Variants in DNAH14 observed in about 807,000 individuals in gnomAD.
DNAH14 encodes the protein dynein axonemal heavy chain 14, also known as axonemal beta dynein heavy chain 14.
A neutral mutation model predicts 520.9 loss-of-function variants in DNAH14; 478 were observed. The observed-to-expected ratio is 0.92, with a 90% CI of 0.85 to 0.99. The LOEUF is 0.99. Among genes scored for constraint, DNAH14 ranks in the 50% least tolerant of loss-of-function variants. DNAH14 has a pLI of 0.00. For missense variants in DNAH14, 4,831 were observed against 5,234.5 expected (o/e 0.92, Z 2.38); for synonymous variants, 1,581 against 1,757.2 (o/e 0.90, Z 2.51).
At position 225,392,457 on chromosome 1, in the gene DNAH14, G is replaced by A. The variant is rs781256827; in HGVS notation, c.13491+6G>A. ...TAGTCAGGAGAGCGTTTAAGGTACT[G>A]GAATACTTCAAGGATTAGAAACGGT... is the stretch of plus-strand genomic sequence containing the variant. On this transcript the variant is annotated splice_donor_region_variant and intron_variant, in intron 84 of 85. Coordinates refer to ENST00000682510, the MANE Select transcript of DNAH14 (RefSeq NM_001367479.1). 2 of 1,551,476 alleles carry A rather than the reference G, an allele frequency of 1.3e-6. No individual in the cohort carries two copies. The highest frequency in any genetic ancestry group is 2.4e-5 in the South Asian group (2 of 83,986).
At position 225,050,256 on chromosome 1, in the gene DNAH14, T is replaced by C; in HGVS notation, c.1959T>C (p.Ile653=). 1 of 1,549,648 alleles carries C rather than the reference T, an allele frequency of 6.5e-7. No homozygotes were observed. Among genetic ancestry groups the C allele is most frequent in the South Asian group, 1.2e-5 (1 of 83,180 alleles). The change falls in exon 16 of 86, where the codon ATT becomes ATC. Residue 653 remains isoleucine, a synonymous_variant. Transcript: ENST00000682510. ...AAGATCCCCAGCTGTCTATCTTCAT[T>C]GATTTGGTTTCAATAATGGATTTAC... ...LCQDPQLSIF[I]DLVSIMDLPN...
chr1:225,035,745 G>A (rs2066909818), intron 11 of DNAH14, among the ~76,000 whole-genome samples: 1 of 151,884 alleles, frequency 6.6e-6, no homozygotes, highest in African/African-American at 2.4e-5. Flanking sequence ...GACTTTTTTT[G>A]ATCTGACATA....
chr1:225,325,172 C>T (rs1314854628), intron 64 of DNAH14, among the ~76,000 whole-genome samples: 4 of 146,290 alleles, frequency 2.7e-5, no homozygotes, highest in Non-Finnish European at 3.0e-5. Context: ...TTTTTTTTTC[C>T]AGTCTGTGTT....
chr1:225,148,616 G>C (rs2080183197), intron 31 of DNAH14, among the ~76,000 whole-genome samples: 1 of 151,872 alleles, frequency 6.6e-6, no homozygotes, highest in Admixed American at 6.6e-5. Flanking sequence ...TGGTCAGGCT[G>C]GTCTCAAACT....
intron 31 of DNAH14, among the ~76,000 whole-genome samples, chr1:225,151,566 G>A (rs7536912): frequency 0.047 from 7,131 of 152,236 alleles, 510 homozygotes; most frequent in African/African-American, 0.16. Flanking sequence ...CTATCTCATA[G>A]TGGTCCCAAA....
chr1:225,240,238 A>G lies in DNAH14; in HGVS notation c.6519-355A>G, dbSNP rs1226390890. ...AACATTTTTATGTAAATTAAAATAT[A>G]TACATATATTAAGCATATATATGTA... On this transcript the variant is annotated intron_variant, in intron 42 of 85. Coordinates refer to ENST00000682510, the MANE Select transcript of DNAH14 (RefSeq NM_001367479.1). Among the ~76,000 whole-genome samples the G allele has an allele frequency of 2.7e-5, 4 of 150,754 alleles. No homozygotes were observed. The Admixed American group carries it at 2.7e-4, about 10-fold the overall frequency.
rs369099318 is a variant in DNAH14 at position 225,204,404 on chromosome 1, G to A, written c.5977+131G>A. The stretch of plus-strand genomic sequence containing the variant: ...TTGTTCCTGTACCATTTATTTGTTC[G>A]TATGTTTATTTAAAATTTGTGTAGT... On this transcript the variant is annotated intron_variant, in intron 39 of 85. Transcript: ENST00000682510. The A allele has an allele frequency of 3.9e-5, 20 of 516,562 alleles. No homozygotes were observed. The South Asian group carries it at 4.0e-4, about 10-fold the overall frequency. The allele number at this position is 516,562 out of a possible 1,614,324, so 32.0% of individuals were successfully genotyped here. A position where few individuals can be genotyped will look rare whatever the true frequency, so the allele number is the denominator to read the frequency against.
At chr1:225,078,827 T>C (rs199622804) in intron 17 of DNAH14, among the ~76,000 whole-genome samples, 842 of 45,070 alleles carry the variant, frequency 0.019, 4 homozygotes, top group East Asian at 0.099. Flanking sequence ...TCTCTCTCCC[T>C]CTCTCTCTCT....
chr1:225,157,911 T>C (rs1449238624), intron 34 of DNAH14, among the ~76,000 whole-genome samples: 2 of 152,150 alleles, frequency 1.3e-5, no homozygotes, highest in African/African-American at 4.8e-5. Flanking sequence ...ATTGTAATAA[T>C]GGAGTGGTTA....
chr1:225,346,679 T>G, intron 71 of DNAH14, 25 bp downstream of exon 71: 67 of 1,476,458 alleles, frequency 4.5e-5, no homozygotes, highest in Non-Finnish European at 5.7e-5. Context: ...CTATTCCGGA[T>G]TCAGTAAAAG....
intron 76 of DNAH14, among the ~76,000 whole-genome samples, chr1:225,365,338 A>G (rs1014996269): frequency 2.0e-5 from 3 of 152,206 alleles, no homozygotes; most frequent in African/African-American, 7.2e-5. Context: ...GGCTGAATAA[A>G]TAGTAAGACA....
At chr1:225,135,937 T>A (rs1251173114) in intron 27 of DNAH14, among the ~76,000 whole-genome samples, 1 of 152,180 alleles carries the variant, frequency 6.6e-6, no homozygotes, top group Admixed American at 6.5e-5. Flanking sequence ...TTTATCTTTG[T>A]TGGTTTAAAG....
intron 36 of DNAH14, among the ~76,000 whole-genome samples, chr1:225,169,784 C>A (rs1439660303): frequency 6.6e-6 from 1 of 152,104 alleles, no homozygotes; most frequent in Non-Finnish European, 1.5e-5. Flanking sequence ...CAAAGATACT[C>A]CTTGAGAAGA....
At chr1:225,296,055 ACTC>A (rs2093999521) in intron 55 of DNAH14, among the ~76,000 whole-genome samples, 1 of 151,452 alleles carries the variant, frequency 6.6e-6, no homozygotes, top group Non-Finnish European at 1.5e-5. Context: ...AAATATAGCT[ACTC>A]CTGCTTGTGT....
chr1:225,043,711 G>A (rs757855365), intron 13 of DNAH14, 33 bp from the exon 14 acceptor site: 4 of 1,386,904 alleles, frequency 2.9e-6, no homozygotes, highest in Non-Finnish European at 2.0e-6. Flanking sequence ...AATCAATTTT[G>A]TATTTTCTCT....
At chr1:225,062,863 A>C (rs1023762031) in intron 17 of DNAH14, among the ~76,000 whole-genome samples, 8 of 152,206 alleles carry the variant, frequency 5.3e-5, no homozygotes, top group African/African-American at 1.9e-4. Flanking sequence ...AATTACCTGA[A>C]AAAATGAAAG....
intron 17 of DNAH14, among the ~76,000 whole-genome samples, chr1:225,056,188 C>A (rs2069069652): frequency 6.6e-6 from 1 of 152,080 alleles, no homozygotes; most frequent in Non-Finnish European, 1.5e-5. Flanking sequence ...CACATCCTCT[C>A]CAGCACCTGT....
intron 22 of DNAH14, among the ~76,000 whole-genome samples, chr1:225,098,499 A>C (rs2075183539): frequency 6.6e-6 from 1 of 152,238 alleles, no homozygotes; most frequent in South Asian, 2.1e-4. Flanking sequence ...AATCTTGAAT[A>C]ATATGTCAAG....
chr1:224,971,337 C>T (rs2125628005), intron 7 of DNAH14, among the ~76,000 whole-genome samples: 1 of 152,088 alleles, frequency 6.6e-6, no homozygotes, highest in African/African-American at 2.4e-5. Context: ...ATGTAAATAG[C>T]TTAAATAACT....
Sources: gnomAD v4.1 joint callset for allele counts (sites outside exome capture counted in the v4.1 genomes callset) on GRCh38, gnomAD v4.1.1 for gene constraint, MANE v1.5 for transcripts, NCBI Gene and HGNC (gene_info 2026-07-23, HGNC 2026-07-21) for gene names.